Variants in ASTN2 observed in about 807,000 individuals in gnomAD.
The protein encoded by ASTN2 is astrotactin 2.
In ASTN2, 54 loss-of-function variants were observed where a neutral mutation model predicts 139.8. The ratio of observed to expected loss-of-function variants is 0.39; its 90% CI spans 0.31 to 0.48. The LOEUF is 0.48. Among genes scored for constraint, ASTN2 ranks in the 20% least tolerant of loss-of-function variants. ASTN2 has a pLI of 0.95. For missense variants in ASTN2, 1,565 were observed against 1,725.1 expected (o/e 0.91, Z 1.64); for synonymous variants, 756 against 719.5 (o/e 1.05, Z -0.81).
chr9:116,754,886 C>T (rs1343959331), intron 13 of ASTN2, among the ~76,000 whole-genome samples: 1 of 152,198 alleles, frequency 6.6e-6, no homozygotes, highest in Non-Finnish European at 1.5e-5. Flanking sequence ...GAGAAATCAA[C>T]TTCTCTTCCC....
chr9:116,803,315 C>CTTT lies in ASTN2; in HGVS notation c.2396+2314_2396+2316dup, dbSNP rs61653195. 1.1e-3 allele frequency among the ~76,000 whole-genome samples: 146 copies of CTTT among 137,842 alleles called. 1 individual carries two copies. Among genetic ancestry groups the CTTT allele is most frequent in the African/African-American group, 3.5e-3 (131 of 37,728 alleles). 90.4% of individuals were successfully genotyped at this position (137,842 alleles called of 152,430 possible). ...CCCAGAGCTTTTCCTGATTTTTGTTCTTTTTTTTTTTTTAAATAGAGACAA... is the reference window on the plus strand; with the variant it reads ...CCCAGAGCTTTTCCTGATTTTTGTTCTTTTTTTTTTTTTTTTAAATAGAGACAA... On this transcript the variant is annotated intron_variant, in intron 13 of 22. Transcript: ENST00000313400.
At chr9:116,970,909 A>C (rs1255503727) in intron 10 of ASTN2, among the ~76,000 whole-genome samples, 1 of 152,188 alleles carries the variant, frequency 6.6e-6, no homozygotes, top group Non-Finnish European at 1.5e-5. Flanking sequence ...TTTATCTTAT[A>C]AGAACCTGCT....
At chr9:117,316,386 A>T (rs1337845995) in intron 1 of ASTN2, among the ~76,000 whole-genome samples, 1 of 152,138 alleles carries the variant, frequency 6.6e-6, no homozygotes, top group Non-Finnish European at 1.5e-5. Flanking sequence ...AATGAATGAC[A>T]GATGGATGGA....
chr9:116,792,473 C>A (rs1230577443), intron 13 of ASTN2, among the ~76,000 whole-genome samples: 1 of 152,154 alleles, frequency 6.6e-6, no homozygotes, highest in Non-Finnish European at 1.5e-5. Flanking sequence ...GGCTCTAATC[C>A]AGGCACCCAA....
intron 6 of ASTN2, among the ~76,000 whole-genome samples, chr9:117,024,478 C>G (rs1444822969): frequency 6.6e-6 from 1 of 151,924 alleles, no homozygotes; most frequent in Non-Finnish European, 1.5e-5. Context: ...AGCTCCCACT[C>G]TATGTTGAAT....
chr9:117,362,708 C>A lies in ASTN2; in HGVS notation c.442+51789G>T, dbSNP rs112959371. Among the ~76,000 whole-genome samples the A allele has an allele frequency of 6.1e-3, 927 of 152,226 alleles. 20 individuals are homozygous for A. The highest frequency in any genetic ancestry group is 0.021 in the African/African-American group (866 of 41,546). ...TTAAGTCTCACCACCTCCCTCTTCA[C>A]CACCACCACCACTGTGCCCCATATC... On this transcript the variant is annotated intron_variant, in intron 1 of 22. Coordinates refer to ENST00000313400, the MANE Select transcript of ASTN2 (RefSeq NM_001365068.1).
At chr9:116,922,336 A>G (rs560845895) in intron 10 of ASTN2, among the ~76,000 whole-genome samples, 1 of 152,302 alleles carries the variant, frequency 6.6e-6, no homozygotes, top group Admixed American at 6.5e-5. Flanking sequence ...AATTTTATAT[A>G]TTGCTACAAT....
intron 17 of ASTN2, among the ~76,000 whole-genome samples, chr9:116,644,251 C>A: frequency 6.6e-6 from 1 of 152,122 alleles, no homozygotes; most frequent in Non-Finnish European, 1.5e-5. Context: ...ACAAGCTTTT[C>A]TGGCAGAGAG....
In ASTN2 at chr9:116,730,589, C is replaced by A. The variant is rs1157779755; in HGVS notation, c.2522-1493G>T. On this transcript the variant is annotated intron_variant, in intron 14 of 22. Coordinates refer to ENST00000313400, the MANE Select transcript of ASTN2 (RefSeq NM_001365068.1). ...GGAGGGCTATGTTTTTGACTAAGGGCAGAGAAAATGTCTGCACAAGAAGAT... is the reference window on the plus strand; with the variant it reads ...GGAGGGCTATGTTTTTGACTAAGGGAAGAGAAAATGTCTGCACAAGAAGAT... 2.0e-5 allele frequency among the ~76,000 whole-genome samples: 3 copies of A among 152,072 alleles called. No individual in the cohort carries two copies. The East Asian group carries it at 5.8e-4, about 29-fold the overall frequency.
intron 10 of ASTN2, among the ~76,000 whole-genome samples, chr9:116,949,779 A>C (rs1265153671): frequency 6.6e-6 from 1 of 152,196 alleles, no homozygotes; most frequent in African/African-American, 2.4e-5. Flanking sequence ...TTGAAGCAAC[A>C]ATCTTTGGAA....
intron 3 of ASTN2, among the ~76,000 whole-genome samples, chr9:117,163,727 A>C (rs1830604787): frequency 6.6e-6 from 1 of 151,980 alleles, no homozygotes; most frequent in Non-Finnish European, 1.5e-5. Flanking sequence ...TAAATAATGC[A>C]TTTTTCCCTT....
chr9:117,082,988 A>G (rs567857400), intron 5 of ASTN2, among the ~76,000 whole-genome samples: 82 of 152,290 alleles, frequency 5.4e-4, no homozygotes, highest in African/African-American at 1.9e-3. Context: ...TCTCCTGATT[A>G]CATTAGTTCC....
intron 1 of ASTN2, among the ~76,000 whole-genome samples, chr9:117,322,672 G>A (rs1828369889): frequency 6.6e-6 from 1 of 152,090 alleles, no homozygotes; most frequent in South Asian, 2.1e-4. Context: ...TCTTGGGGAG[G>A]TGCACCTTGC....
intron 13 of ASTN2, among the ~76,000 whole-genome samples, chr9:116,753,819 T>TG (rs1379467819): frequency 2.0e-5 from 3 of 152,220 alleles, no homozygotes; most frequent in African/African-American, 7.2e-5. Flanking sequence ...CTTTAAGTTC[T>TG]GGGGTATGTG....
intron 6 of ASTN2, among the ~76,000 whole-genome samples, chr9:117,032,790 A>G (rs1007897071): frequency 4.6e-5 from 7 of 152,146 alleles, no homozygotes; most frequent in Admixed American, 4.6e-4. Flanking sequence ...ATATTAGTGA[A>G]CCATGCCATC....
chr9:116,987,330 G>A (rs1314478592), intron 7 of ASTN2, among the ~76,000 whole-genome samples: 4 of 152,234 alleles, frequency 2.6e-5, no homozygotes, highest in Non-Finnish European at 5.9e-5. Flanking sequence ...ACTAATTGGT[G>A]TTGGCTCAGC....
intron 10 of ASTN2, among the ~76,000 whole-genome samples, chr9:116,903,736 G>A (rs1364697687): frequency 6.6e-6 from 1 of 152,132 alleles, no homozygotes; most frequent in Non-Finnish European, 1.5e-5. Context: ...GCATGTGAGA[G>A]TCATGAGGCT....
chr9:116,776,493 T>G (rs1830091857), intron 13 of ASTN2, among the ~76,000 whole-genome samples: 1 of 152,190 alleles, frequency 6.6e-6, no homozygotes, highest in Non-Finnish European at 1.5e-5. Flanking sequence ...TGTCCGCGCT[T>G]GAAACCTATA....
intron 3 of ASTN2, among the ~76,000 whole-genome samples, chr9:117,200,624 T>C (rs1310470077): frequency 1.3e-5 from 2 of 152,198 alleles, no homozygotes; most frequent in Non-Finnish European, 2.9e-5. Context: ...GATAATCATG[T>C]GGTTTTTGTC....
Sources: gnomAD v4.1 joint callset for allele counts (sites outside exome capture counted in the v4.1 genomes callset) on GRCh38, gnomAD v4.1.1 for gene constraint, MANE v1.5 for transcripts, NCBI Gene and HGNC (gene_info 2026-07-23, HGNC 2026-07-21) for gene names.